SHANK2: variants seen among roughly 807,000 people sequenced by gnomAD.
SHANK2 encodes the protein SH3 and multiple ankyrin repeat domains 2, also known as SH3 and multiple ankyrin repeat domains protein 2.
Under a neutral mutation model 133.7 loss-of-function variants are expected in SHANK2, and 43 were observed. The observed-to-expected ratio is 0.32, with a 90% CI of 0.25 to 0.41. SHANK2 has a LOEUF of 0.41. Among genes scored for constraint, SHANK2 ranks in the 10% least tolerant of loss-of-function variants. The pLI, the probability that SHANK2 is intolerant of heterozygous loss-of-function variation, is 1.00. For synonymous variants in SHANK2, 1,017 were observed against 952.8 expected (o/e 1.07, Z -1.24); for missense variants, 1,994 against 2,235.8 (o/e 0.89, Z 2.18).
At chr11:70,911,483 T>C (rs1950191384) in intron 10 of SHANK2, among the ~76,000 whole-genome samples, 1 of 152,264 alleles carries the variant, frequency 6.6e-6, no homozygotes, top group South Asian at 2.1e-4. Flanking sequence ...CTGTCCATCT[T>C]CTTAATTTTG....
intron 14 of SHANK2, among the ~76,000 whole-genome samples, chr11:70,735,423 G>C (rs1555033286): frequency 6.6e-6 from 1 of 152,208 alleles, no homozygotes; most frequent in African/African-American, 2.4e-5. Flanking sequence ...AATGTGCAGA[G>C]GGCTGGGTGT....
intron 17 of SHANK2, among the ~76,000 whole-genome samples, chr11:70,640,900 G>A (rs34771194): frequency 0.037 from 5,597 of 152,164 alleles, 145 homozygotes; most frequent in South Asian, 0.076. Flanking sequence ...GGCAATGAGC[G>A]TCTACACAGA....
At chr11:70,897,454 A>T (rs1251959678) in intron 10 of SHANK2, among the ~76,000 whole-genome samples, 1 of 152,260 alleles carries the variant, frequency 6.6e-6, no homozygotes, top group Non-Finnish European at 1.5e-5. Flanking sequence ...TTCCTATGGA[A>T]GAAGTCTTTC....
intron 11 of SHANK2, among the ~76,000 whole-genome samples, chr11:70,846,404 C>T (rs1555063435): frequency 6.6e-6 from 1 of 152,058 alleles, no homozygotes; most frequent in Non-Finnish European, 1.5e-5. Context: ...GCTGAGATTA[C>T]AGGCATGTGC....
At chr11:70,944,551 A>G (rs1289331036) in intron 10 of SHANK2, among the ~76,000 whole-genome samples, 1 of 152,216 alleles carries the variant, frequency 6.6e-6, no homozygotes, top group East Asian at 1.9e-4. Flanking sequence ...CGCTTCCCAT[A>G]TGGCTGCTGA....
intron 1 of SHANK2, among the ~76,000 whole-genome samples, chr11:71,240,032 A>G (rs559015145): frequency 1.3e-5 from 2 of 152,276 alleles, no homozygotes; most frequent in African/African-American, 4.8e-5. Context: ...TTCAATAGTA[A>G]TATGATACTA....
chr11:70,669,674 C>T (rs1257289799), intron 15 of SHANK2: 1 of 152,592 alleles, frequency 6.6e-6, no homozygotes, highest in Non-Finnish European at 1.5e-5. Context: ...GCTCCAAAAT[C>T]CAAAGAGAAA....
At chr11:70,735,245 T>C (rs549983326) in intron 14 of SHANK2, among the ~76,000 whole-genome samples, 2 of 152,244 alleles carry the variant, frequency 1.3e-5, no homozygotes, top group East Asian at 3.9e-4. Context: ...TCTGCAAGTG[T>C]CCCAGGTGGA....
chr11:70,878,073 C>T (rs1555071699), intron 11 of SHANK2, among the ~76,000 whole-genome samples: 2 of 152,232 alleles, frequency 1.3e-5, no homozygotes, highest in African/African-American at 4.8e-5. Context: ...TTGACTTGGC[C>T]TCAGGAGCAG....
intron 17 of SHANK2, among the ~76,000 whole-genome samples, chr11:70,632,716 C>T (rs553399113): frequency 7.2e-5 from 11 of 152,208 alleles, no homozygotes; most frequent in South Asian, 6.2e-4. Flanking sequence ...GGGACTCTGC[C>T]GGCCAGCCAA....
chr11:71,159,928 AG>A (rs1431641841), intron 2 of SHANK2, among the ~76,000 whole-genome samples: 2 of 149,116 alleles, frequency 1.3e-5, no homozygotes, highest in African/African-American at 2.5e-5. Context: ...TGAAAGTTGC[AG>A]TGAGCCTAGA....
In SHANK2 at chr11:71,104,924, C is replaced by A. The variant is rs1951779920; in HGVS notation, c.592+5017G>T. On this transcript the variant is annotated intron_variant, in intron 6 of 25. Coordinates refer to ENST00000601538, the MANE Select transcript of SHANK2 (RefSeq NM_012309.5). ...GTTTCAGAACTTTCTGCCTTAGTTA[C>A]CCCTTTTCCCTTTTTATTTGCCATA... is the stretch of plus-strand genomic sequence containing the variant. Among the ~76,000 whole-genome samples the A allele has an allele frequency of 2.6e-5, 4 of 152,222 alleles. No homozygotes were observed. In the South Asian group the frequency reaches 8.3e-4, roughly 32 times the overall value.
At chr11:70,534,154 TAAAGG>T (rs2059514507) in intron 17 of SHANK2, among the ~76,000 whole-genome samples, 3 of 152,208 alleles carry the variant, frequency 2.0e-5, no homozygotes, top group Admixed American at 2.0e-4. Flanking sequence ...GGGTAATTTA[TAAAGG>T]AAAGAGGTTT....
intron 13 of SHANK2, among the ~76,000 whole-genome samples, chr11:70,798,912 C>A (rs891270192): frequency 6.6e-6 from 1 of 152,220 alleles, no homozygotes; most frequent in Non-Finnish European, 1.5e-5. Context: ...TGGTGCTTGG[C>A]TGTCCTTACC....
chr11:70,587,123 C>T (rs537423938), intron 17 of SHANK2, among the ~76,000 whole-genome samples: 4 of 152,320 alleles, frequency 2.6e-5, no homozygotes, highest in South Asian at 2.1e-4. Flanking sequence ...GTTGCTCTCC[C>T]GACCACAACA....
At chr11:70,474,140 C>G (rs2058632776) in intron 25 of SHANK2, 1 of 164,856 alleles carries the variant, frequency 6.1e-6, no homozygotes, top group African/African-American at 2.4e-5. Context: ...CTGCGCTCAC[C>G]TTCCTGAGGC....
At chr11:70,564,288 TC>T (rs1174869779) in intron 17 of SHANK2, among the ~76,000 whole-genome samples, 1 of 151,838 alleles carries the variant, frequency 6.6e-6, no homozygotes, top group East Asian at 1.9e-4. Context: ...AGATGGAGTC[TC>T]ACCCTGTTGC....
intron 17 of SHANK2, among the ~76,000 whole-genome samples, chr11:70,587,173 C>A (rs2060265229): frequency 1.3e-5 from 2 of 152,194 alleles, no homozygotes; most frequent in African/African-American, 2.4e-5. Flanking sequence ...TACAGAGTTC[C>A]ACGGCGAGCT....
chr11:71,157,131 T>C (rs4559709), intron 2 of SHANK2, among the ~76,000 whole-genome samples: 41,686 of 151,218 alleles, frequency 0.28, 6,472 homozygotes, highest in African/African-American at 0.41. Context: ...TATATATATA[T>C]ACACACACAT....
Sources: gnomAD v4.1 joint callset for allele counts (sites outside exome capture counted in the v4.1 genomes callset) on GRCh38, gnomAD v4.1.1 for gene constraint, MANE v1.5 for transcripts, NCBI Gene and HGNC (gene_info 2026-07-23, HGNC 2026-07-21) for gene names.